SHROOM3: variants seen among roughly 807,000 people sequenced by gnomAD.
SHROOM3 encodes protein Shroom3.
SHROOM3 carries 47 observed loss-of-function variants against 138.6 expected under a neutral mutation model. The ratio of observed to expected loss-of-function variants is 0.34; its 90% confidence interval spans 0.27 to 0.43. The LOEUF (loss-of-function observed/expected upper bound fraction) is 0.43, where lower values mean the gene tolerates loss of function less well. Among genes scored for constraint, SHROOM3 ranks in the 20% least tolerant of loss-of-function variants. The pLI is 1.00. For synonymous variants in SHROOM3, 1,062 were observed against 1,063.3 expected, an observed-to-expected ratio of 1.00 and a Z score of 0.02; for missense variants, 2,491 against 2,596.5, an observed-to-expected ratio of 0.96 and a Z score of 0.88.
In SHROOM3 at chr4:76,770,349, AAACAG is replaced by A. The variant is rs1408578302; in HGVS notation, c.5350-274_5350-270del. Among the ~76,000 whole-genome samples, 12 of 134,494 alleles carry A rather than the reference AAACAG, an allele frequency of 8.9e-5. 1 individual carries two copies. The highest frequency in any genetic ancestry group is 3.0e-4 in the African/African-American group (11 of 36,764). The allele number at this position is 134,494 out of a possible 152,430, so 88.2% of individuals were successfully genotyped here. A position where few individuals can be genotyped will look rare whatever the true frequency, so the allele number is the denominator to read the frequency against. On this transcript the variant is annotated intron_variant, in intron 9 of 10. Coordinates refer to ENST00000296043, the MANE Select transcript of SHROOM3 (RefSeq NM_020859.4). ...CAAAAAAAAAAAAAAAAAAAAAAAA[AAACAG>A]AAGACAAAGCTGTACATAGCATGAC...
chr4:76,491,701 C>T (rs1487676679), intron 1 of SHROOM3, among the ~76,000 whole-genome samples: 2 of 152,168 alleles, frequency 1.3e-5, no homozygotes, highest in Non-Finnish European at 2.9e-5. Context: ...CCTGAAACAA[C>T]ACCAGGACCG....
chr4:76,457,810 T>G (rs1326329803), intron 1 of SHROOM3, among the ~76,000 whole-genome samples: 2 of 151,166 alleles, frequency 1.3e-5, no homozygotes, highest in Admixed American at 6.6e-5. Flanking sequence ...TTTTTTTTTT[T>G]TTTGAGAGGG....
rs576691725 is a variant in SHROOM3, at chr4:76,676,143, C to G, written c.324-34013C>G. Among the ~76,000 whole-genome samples, 8 of 152,146 alleles carry G rather than the reference C, an allele frequency of 5.3e-5. No homozygotes were observed. In the South Asian group the frequency reaches 1.7e-3, roughly 32 times the overall value. On this transcript the variant is annotated intron_variant, in intron 2 of 10. Coordinates refer to ENST00000296043, the MANE Select transcript of SHROOM3 (RefSeq NM_020859.4). ...ATACAGGGCATACGCATATGCTTCT[C>G]AGCAGTTTTATGACAAGTACCAAAA...
chr4:76,740,826 C>A lies in SHROOM3; in HGVS notation c.2653C>A (p.Leu885Ile). The part of the protein sequence containing the change: ...GRGPQRPDAR[L>I]LRSQSTFQLS... ...TGGCCCCCAGAGGCCGGACGCTCGGCTCCTCCGTAGCCAGAGCACCTTCCA... is the reference window on the plus strand; with the variant it reads ...TGGCCCCCAGAGGCCGGACGCTCGGATCCTCCGTAGCCAGAGCACCTTCCA... Residue 885 changes from leucine to isoleucine, a missense_variant, in exon 5 of 11, where the codon CTC (leucine) becomes ATC (isoleucine). Leu to Ile is a conservative substitution (Grantham distance 5). Transcript: ENST00000296043. This position sits in a 1 kb window ranked among gnomAD's most constrained non-coding sequence, Gnocchi z 4.0. 6.3e-7 allele frequency: 1 copy of A among 1,599,962 alleles called. No individual in the cohort carries two copies.
At chr4:76,759,244 T>C (rs1189177937) in intron 8 of SHROOM3, among the ~76,000 whole-genome samples, 15 of 152,226 alleles carry the variant, frequency 9.9e-5, no homozygotes, top group Non-Finnish European at 7.3e-5. Context: ...GTCGTTCTTA[T>C]ATGAATCACA....
intron 2 of SHROOM3, 86 bp from the exon 3 acceptor site, chr4:76,710,070 T>G (rs903673680): frequency 3.8e-6 from 6 of 1,595,556 alleles, no homozygotes; most frequent in Non-Finnish European, 4.3e-6. Flanking sequence ...TTCGTTTTCA[T>G]GTGCTTTTTC....
At chr4:76,620,070 C>CAAAAAAAAAAAAAAAAAAAAA (rs68039696) in intron 2 of SHROOM3, among the ~76,000 whole-genome samples, 1 of 61,102 alleles carries the variant, frequency 1.6e-5, no homozygotes, top group Non-Finnish European at 3.2e-5. Context: ...GAATCTATCT[C>CAAAAAAAAAAAAAAAAAAAAA]AAAAAAAAAA....
At chr4:76,721,381 T>C (rs1024857375) in intron 3 of SHROOM3, among the ~76,000 whole-genome samples, 1 of 152,188 alleles carries the variant, frequency 6.6e-6, no homozygotes, top group Non-Finnish European at 1.5e-5. Flanking sequence ...TGGTTATTCA[T>C]TGCAGCATTA....
At chr4:76,727,003 C>T (rs1250926632) in intron 3 of SHROOM3, among the ~76,000 whole-genome samples, 1 of 152,180 alleles carries the variant, frequency 6.6e-6, no homozygotes, top group Non-Finnish European at 1.5e-5. Context: ...GGTCTGAGGT[C>T]ACGGTCCATT....
At chr4:76,580,221 G>A (rs1307312870) in intron 2 of SHROOM3, among the ~76,000 whole-genome samples, 1 of 152,188 alleles carries the variant, frequency 6.6e-6, no homozygotes, top group South Asian at 2.1e-4. Flanking sequence ...GATCCCCTCT[G>A]CTGATATCTG....
At chr4:76,765,229 G>A (rs1722114191) in intron 9 of SHROOM3, among the ~76,000 whole-genome samples, 1 of 150,900 alleles carries the variant, frequency 6.6e-6, no homozygotes, top group East Asian at 1.9e-4. Context: ...AAAGACTCTT[G>A]TAGATTCTGG....
chr4:76,655,234 G>A (rs1370987956), intron 2 of SHROOM3, among the ~76,000 whole-genome samples: 1 of 152,124 alleles, frequency 6.6e-6, no homozygotes, highest in Non-Finnish European at 1.5e-5. Context: ...CTCTTCTCAG[G>A]TTCCTGCAGC....
chr4:76,748,945 T>C lies in SHROOM3; in HGVS notation c.3754-72T>C, dbSNP rs999618940. 3.1e-5 allele frequency: 46 copies of C among 1,476,894 alleles called. No individual in the cohort carries two copies. In the Middle Eastern group the frequency reaches 5.2e-4, roughly 17 times the overall value. The allele number at this position is 1,476,894 out of a possible 1,614,324, so 91.5% of individuals were successfully genotyped here. A position where few individuals can be genotyped will look rare whatever the true frequency, so the allele number is the denominator to read the frequency against. Reference sequence around the variant, plus strand: ...GTAAATAGGTGTTCCTTCTCCTTTTTACCTCCACCCTCTTGGTAAATTTAA... The same window carrying C: ...GTAAATAGGTGTTCCTTCTCCTTTTCACCTCCACCCTCTTGGTAAATTTAA... On this transcript the variant is annotated intron_variant, in intron 5 of 10. Transcript: ENST00000296043.
rs1024580978 is a variant in SHROOM3 at position 76,664,023 on chromosome 4, G to A, written c.324-46133G>A. On this transcript the variant is annotated intron_variant, in intron 2 of 10. Coordinates refer to ENST00000296043, the MANE Select transcript of SHROOM3 (RefSeq NM_020859.4). The surrounding 1 kb of genome is among the most constrained non-coding windows in gnomAD (Gnocchi z 4.2). Reference sequence around the variant, plus strand: ...TATCTGGCCTATATATACCAAGTATGTTTGGCTCTCATTTCCTGGCAGTTG... The same window carrying A: ...TATCTGGCCTATATATACCAAGTATATTTGGCTCTCATTTCCTGGCAGTTG... Among the ~76,000 whole-genome samples the A allele has an allele frequency of 1.3e-5, 2 of 152,152 alleles. No homozygotes were observed. Among genetic ancestry groups the A allele is most frequent in the Non-Finnish European group, 2.9e-5 (2 of 68,030 alleles).
chr4:76,463,360 G>A (rs1279055722), intron 1 of SHROOM3, among the ~76,000 whole-genome samples: 1 of 152,214 alleles, frequency 6.6e-6, no homozygotes, highest in Non-Finnish European at 1.5e-5. Context: ...TCAGGAAGTG[G>A]CCTGGCTGCT....
chr4:76,441,086 G>GTTTTTTTTTTTTTTTT lies in SHROOM3; in HGVS notation c.168+4872_168+4887dup, dbSNP rs374530154. 1.1e-4 allele frequency among the ~76,000 whole-genome samples: 9 copies of GTTTTTTTTTTTTTTTT among 82,190 alleles called. 1 individual carries two copies. The highest frequency in any genetic ancestry group is 1.5e-4 in the Non-Finnish European group (7 of 46,314). 53.9% of individuals were successfully genotyped at this position (82,190 alleles called of 152,430 possible). A position where few individuals can be genotyped will look rare whatever the true frequency, so the allele number is the denominator to read the frequency against. On this transcript the variant is annotated intron_variant, in intron 1 of 10. Coordinates refer to ENST00000296043, the MANE Select transcript of SHROOM3 (RefSeq NM_020859.4). Reference sequence around the variant, plus strand: ...TCAGCCACAGTCCTGAGTTCAATTTGTTTTTTTTTTTTTTTTTTTTTGAGA... The same window carrying GTTTTTTTTTTTTTTTT: ...TCAGCCACAGTCCTGAGTTCAATTTGTTTTTTTTTTTTTTTTTTTTTTTTTTTTTTTTTTTTTGAGA...
chr4:76,684,700 C>A (rs945373338), intron 2 of SHROOM3, among the ~76,000 whole-genome samples: 2 of 152,140 alleles, frequency 1.3e-5, no homozygotes, highest in African/African-American at 4.8e-5. Context: ...CACAAAGAGA[C>A]CTTATCCAGA....
At chr4:76,669,283 A>G (rs2110097099) in intron 2 of SHROOM3, among the ~76,000 whole-genome samples, 1 of 152,302 alleles carries the variant, frequency 6.6e-6, no homozygotes, top group South Asian at 2.1e-4. Flanking sequence ...GTGTAGGGGA[A>G]TCTGTCTTTA....
chr4:76,576,731 A>T (rs543016784), intron 2 of SHROOM3, among the ~76,000 whole-genome samples: 2 of 152,292 alleles, frequency 1.3e-5, no homozygotes, highest in East Asian at 3.8e-4. Flanking sequence ...TATGTGTTGC[A>T]TGCCTGTATC....
Sources: gnomAD v4.1 joint callset for allele counts (sites outside exome capture counted in the v4.1 genomes callset) on GRCh38, gnomAD v4.1.1 for gene constraint, Gnocchi (gnomAD v3.1) non-coding constraint, MANE v1.5 for transcripts, NCBI Gene and HGNC (gene_info 2026-07-23, HGNC 2026-07-21) for gene names.